Variants in TGFBR3 observed in about 807,000 individuals in gnomAD.
TGFBR3 encodes transforming growth factor beta receptor type 3.
In TGFBR3, 46 loss-of-function variants were observed where a neutral mutation model predicts 87.9. That is an observed-to-expected ratio of 0.52 (90% confidence interval 0.41 to 0.67). The LOEUF is 0.67. Ranked by LOEUF, TGFBR3 falls within the 30% of genes least tolerant of loss-of-function variation. The pLI is 0.00. For synonymous variants in TGFBR3, 381 were observed against 391.6 expected, an observed-to-expected ratio of 0.97 and a Z score of 0.32; for missense variants, 866 against 1,041.9, an observed-to-expected ratio of 0.83 and a Z score of 2.32.
intron 13 of TGFBR3, among the ~76,000 whole-genome samples, chr1:91,709,218 C>T (rs192680264): frequency 4.6e-5 from 7 of 152,248 alleles, no homozygotes; most frequent in African/African-American, 1.7e-4. Context: ...CTTGACAAAC[C>T]CACTGTAAAC....
upstream of TGFBR3, chr1:91,886,211 G>C (rs1286027294): frequency 2.2e-6 from 1 of 452,398 alleles, no homozygotes; most frequent in Non-Finnish European, 4.4e-6. Flanking sequence ...GGCGGGGACG[G>C]GCAGGACGCC....
intron 2 of TGFBR3, among the ~76,000 whole-genome samples, chr1:91,847,237 T>C (rs1385292449): frequency 6.6e-6 from 1 of 152,138 alleles, no homozygotes; most frequent in Non-Finnish European, 1.5e-5. Flanking sequence ...AAACATCAAT[T>C]ACAACTTACA....
chr1:91,902,068 C>G (rs539179244), intron 1 of TGFBR3, among the ~76,000 whole-genome samples: 2 of 151,930 alleles, frequency 1.3e-5, no homozygotes, highest in African/African-American at 4.8e-5. Flanking sequence ...CTAGCATGCA[C>G]AGTATTTAAT....
intron 14 of TGFBR3, among the ~76,000 whole-genome samples, chr1:91,702,477 T>C (rs909862805): frequency 7.2e-5 from 11 of 151,824 alleles, no homozygotes; most frequent in African/African-American, 2.7e-4. Context: ...AAACCCCGTC[T>C]CTACTAAAAA....
intron 16 of TGFBR3, among the ~76,000 whole-genome samples, chr1:91,689,778 C>T (rs766047608): frequency 7.1e-6 from 1 of 140,274 alleles, no homozygotes; most frequent in Non-Finnish European, 1.5e-5. Context: ...TTTCTCGCTA[C>T]GTAAAAAGGA....
Position 91,708,746 on chromosome 1 carries a change from G to T in TGFBR3, c.2204C>A (p.Ala735Asp). The change falls in exon 14 of 17, where the codon GCC becomes GAC. Residue 735 changes from alanine to aspartate, a missense_variant. Physicochemically the swap from Ala to Asp is moderately radical, Grantham distance 126 (BLOSUM62 -2). Transcript: ENST00000212355. The part of the protein sequence containing the change: ...PPDEACTSLD[A>D]SIIWAMMQNK... The stretch of plus-strand genomic sequence containing the variant: ...CTGCATCATGGCCCAGATTATCGAG[G>T]CGTCCAGCGAGGTGCAGGCTTCGTC... The T allele has an allele frequency of 6.2e-7, 1 of 1,614,040 alleles. No homozygotes were observed. The highest frequency in any genetic ancestry group is 1.1e-5 in the South Asian group (1 of 91,074).
chr1:91,787,802 A>G (rs745998603), intron 3 of TGFBR3, among the ~76,000 whole-genome samples: 1 of 152,044 alleles, frequency 6.6e-6, no homozygotes, highest in Non-Finnish European at 1.5e-5. Flanking sequence ...AAATACAAAA[A>G]TTAGCCGGGC....
intron 2 of TGFBR3, among the ~76,000 whole-genome samples, chr1:91,818,148 A>C (rs1009293897): frequency 1.3e-5 from 2 of 152,050 alleles, no homozygotes; most frequent in Non-Finnish European, 2.9e-5. Flanking sequence ...AAGAGCAGTG[A>C]GATTTCTCAC....
intron 3 of TGFBR3, among the ~76,000 whole-genome samples, chr1:91,770,039 G>A (rs1674320928): frequency 6.6e-6 from 1 of 152,146 alleles, no homozygotes; most frequent in Non-Finnish European, 1.5e-5. Context: ...TGAAAGATGC[G>A]CATCAAGTGC....
intron 2 of TGFBR3, among the ~76,000 whole-genome samples, chr1:91,804,890 G>A (rs1326190602): frequency 6.6e-6 from 1 of 152,190 alleles, no homozygotes; most frequent in Non-Finnish European, 1.5e-5. Context: ...TGAGTGACAT[G>A]CTCTGATGAT....
intron 4 of TGFBR3, among the ~76,000 whole-genome samples, chr1:91,739,229 AAGC>A (rs764427296): frequency 1.9e-4 from 29 of 152,256 alleles, no homozygotes; most frequent in South Asian, 6.2e-4. Flanking sequence ...GGGAGACAAA[AAGC>A]AGGAGATCAT....
intron 2 of TGFBR3, among the ~76,000 whole-genome samples, chr1:91,847,404 G>C (rs1677542609): frequency 6.6e-6 from 1 of 152,024 alleles, no homozygotes. Flanking sequence ...GGGAGTTCGA[G>C]ACCAGCCTGA....
chr1:91,886,006 T>C lies in TGFBR3; in HGVS notation c.-242A>G, dbSNP rs1018398200. Reference sequence around the variant, plus strand: ...GCTGCGCCGCGGCAAAACTACGCCATCCGGACCCGCTGGGGACTCTCACCT... The same window carrying C: ...GCTGCGCCGCGGCAAAACTACGCCACCCGGACCCGCTGGGGACTCTCACCT... On this transcript the variant is annotated 5_prime_UTR_variant, in exon 1 of 17. An upstream start codon of the reference 5' UTR is lost. Transcript: ENST00000212355. 25 of 453,432 alleles carry C rather than the reference T, an allele frequency of 5.5e-5. No homozygotes were observed. In the Admixed American group the frequency reaches 5.9e-4, roughly 11 times the overall value. 28.1% of individuals were successfully genotyped at this position (453,432 alleles called of 1,614,324 possible).
chr1:91,829,188 G>A (rs1426944130), intron 2 of TGFBR3, among the ~76,000 whole-genome samples: 1 of 151,944 alleles, frequency 6.6e-6, no homozygotes, highest in Non-Finnish European at 1.5e-5. Flanking sequence ...CCAGCCTGGA[G>A]AGCATGGTGA....
intron 2 of TGFBR3, among the ~76,000 whole-genome samples, chr1:91,808,140 C>T (rs1675904337): frequency 6.6e-6 from 1 of 152,200 alleles, no homozygotes; most frequent in African/African-American, 2.4e-5. Context: ...AATAAAACTA[C>T]AGCTGGGCAT....
chr1:91,751,988 A>AT (rs1163994997), intron 4 of TGFBR3, among the ~76,000 whole-genome samples: 1 of 152,170 alleles, frequency 6.6e-6, no homozygotes, highest in African/African-American at 2.4e-5. Context: ...AGCTAGTACG[A>AT]TCCCCTCATT....
At chr1:91,693,422 C>G (rs1376403644) in intron 16 of TGFBR3, among the ~76,000 whole-genome samples, 1 of 152,204 alleles carries the variant, frequency 6.6e-6, no homozygotes, top group African/African-American at 2.4e-5. Flanking sequence ...TTGAAAGGCC[C>G]TCCTGAAGTC....
At chr1:91,685,845 C>G (rs1006506412) in intron 16 of TGFBR3, among the ~76,000 whole-genome samples, 7 of 152,142 alleles carry the variant, frequency 4.6e-5, no homozygotes, top group African/African-American at 1.7e-4. Context: ...TCCAGAGACC[C>G]AAACAACTCT....
intron 8 of TGFBR3, among the ~76,000 whole-genome samples, chr1:91,721,007 G>T (rs1246884561): frequency 1.3e-5 from 2 of 152,048 alleles, no homozygotes; most frequent in African/African-American, 2.4e-5. Context: ...TCAATATTTT[G>T]TCGTATTTCT....
Sources: allele counts gnomAD v4.1 joint callset (sites outside exome capture counted in the v4.1 genomes callset), GRCh38; gene constraint gnomAD v4.1.1; transcripts MANE v1.5; gene names NCBI Gene and HGNC (gene_info 2026-07-23, HGNC 2026-07-21).